Variants in SPATS2 observed in about 807,000 individuals in gnomAD.
SPATS2 encodes the protein spermatogenesis-associated serine-rich protein 2.
Under a neutral mutation model 63.7 loss-of-function variants are expected in SPATS2, and 38 were observed. The observed-to-expected ratio is 0.60, with a 90% CI of 0.46 to 0.78. The LOEUF is 0.78. SPATS2 is among the 30% of genes least tolerant of loss of function. The pLI, the probability that SPATS2 is intolerant of heterozygous loss-of-function variation, is 0.00. For missense variants in SPATS2, 588 were observed against 666.2 expected, an observed-to-expected ratio of 0.88 and a Z score of 1.29; for synonymous variants, 207 against 232.9, an observed-to-expected ratio of 0.89 and a Z score of 1.01.
intron 2 of SPATS2, among the ~76,000 whole-genome samples, chr12:49,379,408 G>A (rs1219760205): frequency 1.3e-5 from 2 of 148,790 alleles, no homozygotes; most frequent in Non-Finnish European, 3.0e-5. Flanking sequence ...ATAATTAGCC[G>A]GGCATGGTAG....
intron 2 of SPATS2, among the ~76,000 whole-genome samples, chr12:49,416,036 T>TA (rs1565710856): frequency 6.6e-6 from 1 of 151,332 alleles, no homozygotes; most frequent in African/African-American, 2.4e-5. Context: ...TTTTTTTTTT[T>TA]AATGGCAGAA....
At chr12:49,524,573 T>G in intron 12 of SPATS2, 109 bp from the exon 13 acceptor site, 1 of 1,158,516 alleles carries the variant, frequency 8.6e-7, no homozygotes, top group South Asian at 1.5e-5. Flanking sequence ...TTTATTCGAA[T>G]AGACAGTTCT....
intron 2 of SPATS2, among the ~76,000 whole-genome samples, chr12:49,458,938 C>T (rs1041317130): frequency 5.3e-5 from 8 of 152,120 alleles, no homozygotes; most frequent in Non-Finnish European, 7.4e-5. Context: ...TTCCTTTGCA[C>T]TTCCCTCCTT....
At chr12:49,498,145 AATAT>A (rs1555191172) in intron 8 of SPATS2, among the ~76,000 whole-genome samples, 23 of 98,958 alleles carry the variant, frequency 2.3e-4, no homozygotes, top group African/African-American at 4.9e-4. Flanking sequence ...AAAAAAAAAA[AATAT>A]ATATATATAT....
At chr12:49,440,239 A>G (rs1945392596) in intron 2 of SPATS2, among the ~76,000 whole-genome samples, 2 of 152,214 alleles carry the variant, frequency 1.3e-5, no homozygotes, top group Admixed American at 1.3e-4. Flanking sequence ...ATTCTCTAAC[A>G]TAAACCTGAA....
At chr12:49,434,041 TTTCTC>T (rs1454373268) in intron 2 of SPATS2, among the ~76,000 whole-genome samples, 5 of 152,366 alleles carry the variant, frequency 3.3e-5, no homozygotes, top group African/African-American at 1.2e-4. Context: ...AGACTGTCCT[TTTCTC>T]ATCTAATGTT....
intron 2 of SPATS2, among the ~76,000 whole-genome samples, chr12:49,424,735 G>A (rs1945041988): frequency 6.6e-6 from 1 of 152,150 alleles, no homozygotes; most frequent in Non-Finnish European, 1.5e-5. Context: ...GGAGTGAAGT[G>A]GCGAGATCTT....
chr12:49,488,068 G>A (rs986303191), intron 4 of SPATS2, among the ~76,000 whole-genome samples: 10 of 150,564 alleles, frequency 6.6e-5, no homozygotes, highest in African/African-American at 2.4e-4. Context: ...TTTTGAGACG[G>A]AGTTTCGCTC....
chr12:49,474,743 A>C (rs949524810), intron 3 of SPATS2, among the ~76,000 whole-genome samples: 2 of 152,218 alleles, frequency 1.3e-5, no homozygotes, highest in Non-Finnish European at 2.9e-5. Context: ...ATAAATAAAT[A>C]ATGGCATAAT....
chr12:49,381,476 T>C (rs1944221481), intron 2 of SPATS2, among the ~76,000 whole-genome samples: 1 of 152,224 alleles, frequency 6.6e-6, no homozygotes, highest in South Asian at 2.1e-4. Flanking sequence ...TTGCTTTTAA[T>C]TGATGCTCCC....
chr12:49,428,764 T>A (rs1296010025), intron 2 of SPATS2, among the ~76,000 whole-genome samples: 1 of 152,230 alleles, frequency 6.6e-6, no homozygotes, highest in Non-Finnish European at 1.5e-5. Context: ...GCTTGGAATC[T>A]CCCTTTATGG....
At chr12:49,516,209 A>ATATATAT (rs1946848636) in intron 10 of SPATS2, among the ~76,000 whole-genome samples, 2 of 107,606 alleles carry the variant, frequency 1.9e-5, no homozygotes, top group Non-Finnish European at 3.6e-5. Context: ...ATATATATAT[A>ATATATAT]AATCAGGCAT....
chr12:49,525,843 A>G, intron 13 of SPATS2, 101 bp from the exon 14 acceptor site: 1 of 1,302,398 alleles, frequency 7.7e-7, no homozygotes, highest in Non-Finnish European at 1.0e-6. Flanking sequence ...AGTCCCAAGC[A>G]TGGGATACCA....
intron 12 of SPATS2, 29 bp downstream of exon 12, chr12:49,522,882 C>T (rs201627369): frequency 3.8e-6 from 6 of 1,578,128 alleles, no homozygotes; most frequent in African/African-American, 1.3e-5. Flanking sequence ...CTGGGCACTA[C>T]AGGTGGTGAT....
chr12:49,511,616 G>C (rs138222687), intron 9 of SPATS2, among the ~76,000 whole-genome samples: 1 of 152,232 alleles, frequency 6.6e-6, no homozygotes, highest in Non-Finnish European at 1.5e-5. Flanking sequence ...CTCATTGCTT[G>C]CCTTTCTGGC....
At chr12:49,498,145 A>AAAAAAAATATATATATAT (rs66900382) in intron 8 of SPATS2, among the ~76,000 whole-genome samples, 11 of 98,956 alleles carry the variant, frequency 1.1e-4, no homozygotes, top group Non-Finnish European at 1.9e-4. Context: ...AAAAAAAAAA[A>AAAAAAAATATATATATAT]ATATATATAT....
At chr12:49,386,461 C>T (rs1286203026) in intron 2 of SPATS2, among the ~76,000 whole-genome samples, 2 of 152,174 alleles carry the variant, frequency 1.3e-5, no homozygotes, top group East Asian at 1.9e-4. Context: ...CTACTGTGCC[C>T]GGCCTCTGTG....
At chr12:49,521,394 A>C (rs900607338) in intron 11 of SPATS2, among the ~76,000 whole-genome samples, 1 of 152,178 alleles carries the variant, frequency 6.6e-6, no homozygotes, top group Non-Finnish European at 1.5e-5. Flanking sequence ...TGAACTAGCC[A>C]AACCATGCAA....
chr12:49,521,281 G>T (rs1398239452), intron 11 of SPATS2, among the ~76,000 whole-genome samples: 1 of 152,198 alleles, frequency 6.6e-6, no homozygotes, highest in East Asian at 1.9e-4. Context: ...AGAGGTGGAA[G>T]ATCATCCAGG....
Sources: gnomAD v4.1 joint callset for allele counts (sites outside exome capture counted in the v4.1 genomes callset) on GRCh38, gnomAD v4.1.1 for gene constraint, MANE v1.5 for transcripts, NCBI Gene and HGNC (gene_info 2026-07-23, HGNC 2026-07-21) for gene names.